The following PLCE1 variants were observed in gnomAD, a reference collection of about 807,000 sequenced individuals.
The protein encoded by PLCE1 is 1-phosphatidylinositol 4,5-bisphosphate phosphodiesterase epsilon-1.
A neutral mutation model predicts 242.8 loss-of-function variants in PLCE1; 119 were observed. The ratio of observed to expected loss-of-function variants is 0.49; its 90% CI spans 0.42 to 0.57. The LOEUF is 0.57. PLCE1 is among the 20% of genes least tolerant of loss of function. The probability of loss-of-function intolerance (pLI) is 0.00; values close to 1 mark genes in which losing one functional copy is unlikely to be tolerated. For synonymous variants in PLCE1, 945 were observed against 1,017.4 expected (o/e 0.93, Z 1.35); for missense variants, 2,441 against 2,788.8 (o/e 0.88, Z 2.81).
intron 1 of PLCE1, among the ~76,000 whole-genome samples, chr10:94,010,859 TCAGTATTTTGGTCATGACCATTTAAC>T (rs1317824808): frequency 6.6e-6 from 1 of 152,170 alleles, no homozygotes; most frequent in African/African-American, 2.4e-5. Flanking sequence ...CATATTTCTA[TCAGTATTTTGGTCATGACCATTTAAC>T]CAGTCTCTCT....
At chr10:94,089,005 C>T in intron 2 of PLCE1, 1 of 1,402,996 alleles carries the variant, frequency 7.1e-7, no homozygotes, top group South Asian at 1.4e-5. Context: ...CATTTCATTT[C>T]AGCTAATGTA....
intron 13 of PLCE1, among the ~76,000 whole-genome samples, chr10:94,261,594 G>A (rs2051298665): frequency 6.6e-6 from 1 of 152,094 alleles, no homozygotes; most frequent in Non-Finnish European, 1.5e-5. Context: ...TTCCAAAGTG[G>A]CTAAAATTAA....
chr10:94,076,138 T>C lies in PLCE1; in HGVS notation c.1206+43886T>C, dbSNP rs866222298. ...GTTTGTGTGTGTGTGCGTGCGTGTG[T>C]GTGTGTGTGTGTGTGTTACCTCCAT... On this transcript the variant is annotated intron_variant, in intron 2 of 32. Coordinates refer to ENST00000371380, the MANE Select transcript of PLCE1 (RefSeq NM_016341.4). Among the ~76,000 whole-genome samples the C allele has an allele frequency of 6.5e-3, 990 of 151,996 alleles. 13 individuals are homozygous for C. Among genetic ancestry groups the C allele is most frequent in the African/African-American group, 0.023 (947 of 41,412 alleles).
At chr10:94,183,346 G>A (rs1246323163) in intron 4 of PLCE1, among the ~76,000 whole-genome samples, 1 of 152,098 alleles carries the variant, frequency 6.6e-6, no homozygotes, top group Admixed American at 6.6e-5. Flanking sequence ...TTTGTGCATG[G>A]GGAATATGGC....
intron 4 of PLCE1, among the ~76,000 whole-genome samples, chr10:94,194,382 C>A (rs1308335077): frequency 6.6e-6 from 1 of 152,170 alleles, no homozygotes; most frequent in East Asian, 1.9e-4. Flanking sequence ...CTCTTCACTG[C>A]TGACCAAGAG....
intron 23 of PLCE1, among the ~76,000 whole-genome samples, chr10:94,294,909 CTTTTTTTTTTTTT>C (rs766555881): frequency 9.9e-6 from 1 of 101,494 alleles, no homozygotes; most frequent in Non-Finnish European, 1.9e-5. Context: ...CATGATAGAA[CTTTTTTTTTTTTT>C]TTTTTTTTTT....
Position 94,259,025 on chromosome 10 carries a change from G to A in PLCE1, c.3689G>A (p.Arg1230His), listed in dbSNP as rs2051200242. ...ELFKSFSVRS[R>H]KDLKDLFDVY... ...CATTCCTCATTCAGTGTCAGGAGCCGCAAGGACCTGAAGGATCTGTTTGAT... is the reference window on the plus strand; with the variant it reads ...CATTCCTCATTCAGTGTCAGGAGCCACAAGGACCTGAAGGATCTGTTTGAT... The change falls in exon 13 of 33, where the codon CGC (arginine) becomes CAC (histidine). Residue 1230 changes from arginine to histidine, a missense_variant. Arg to His is a conservative substitution (Grantham distance 29). Transcript: ENST00000371380. 4 of 1,613,882 alleles carry A rather than the reference G, an allele frequency of 2.5e-6. No homozygotes were observed. Among genetic ancestry groups the A allele is most frequent in the South Asian group, 2.2e-5 (2 of 91,078 alleles).
chr10:94,115,245 T>C (rs2046087188), intron 2 of PLCE1, among the ~76,000 whole-genome samples: 1 of 152,218 alleles, frequency 6.6e-6, no homozygotes, highest in Non-Finnish European at 1.5e-5. Context: ...CATGTGTCTT[T>C]ATAGCAGCAT....
At chr10:94,327,155 C>T (rs1236848931) in intron 32 of PLCE1, among the ~76,000 whole-genome samples, 2 of 152,054 alleles carry the variant, frequency 1.3e-5, no homozygotes, top group African/African-American at 2.4e-5. Context: ...AGCGAGACTC[C>T]GTCTCAAAAC....
At chr10:94,256,338 A>AAAAGAAAGAAAGAAAGAAAG (rs1290627133) in intron 11 of PLCE1, among the ~76,000 whole-genome samples, 1 of 140,440 alleles carries the variant, frequency 7.1e-6, no homozygotes, top group African/African-American at 2.8e-5. Context: ...AAAAAAAAAA[A>AAAAGAAAGAAAGAAAGAAAG]AAAGAAAGAA....
intron 3 of PLCE1, among the ~76,000 whole-genome samples, chr10:94,160,152 T>G (rs1455283020): frequency 6.6e-6 from 1 of 152,172 alleles, no homozygotes; most frequent in East Asian, 1.9e-4. Context: ...GATGGCTGGG[T>G]CAAATGGTAT....
At chr10:94,318,676 A>G (rs2053661139) in intron 29 of PLCE1, among the ~76,000 whole-genome samples, 1 of 152,160 alleles carries the variant, frequency 6.6e-6, no homozygotes, top group South Asian at 2.1e-4. Context: ...GGCTAGAGGG[A>G]AGACAGGCTG....
intron 4 of PLCE1, among the ~76,000 whole-genome samples, chr10:94,172,046 A>G (rs572887221): frequency 1.5e-4 from 23 of 152,152 alleles, no homozygotes; most frequent in Non-Finnish European, 3.2e-4. Context: ...CAGAATATCA[A>G]TCCAAAGCCT....
At chr10:94,258,430 T>C (rs2051178451) in intron 11 of PLCE1, among the ~76,000 whole-genome samples, 1 of 152,236 alleles carries the variant, frequency 6.6e-6, no homozygotes, top group South Asian at 2.1e-4. Flanking sequence ...ACGTGCATTA[T>C]TTCCCATAGA....
Position 94,204,783 on chromosome 10 carries a change from GAAGGAAGGAAGGAAGGAAGC to G in PLCE1, c.1810-22520_1810-22501del, listed in dbSNP as rs1435756556. 1.5e-3 allele frequency among the ~76,000 whole-genome samples: 204 copies of G among 136,954 alleles called. 2 individuals carry two copies. Among genetic ancestry groups the G allele is most frequent in the Middle Eastern group, 3.8e-3 (1 of 262 alleles). The allele number at this position is 136,954 out of a possible 152,430, so 89.8% of individuals were successfully genotyped here. ...GGAAGGAAGGAAGGAAGGAAGGAAG[GAAGGAAGGAAGGAAGGAAGC>G]AAAATAATGTGTGCTGTAGAAAATG... On this transcript the variant is annotated intron_variant, in intron 4 of 32. Coordinates refer to ENST00000371380, the MANE Select transcript of PLCE1 (RefSeq NM_016341.4).
chr10:94,216,190 G>T (rs1355902568), intron 4 of PLCE1, among the ~76,000 whole-genome samples: 2 of 152,322 alleles, frequency 1.3e-5, no homozygotes, highest in Admixed American at 6.5e-5. Context: ...AAAGCATTTG[G>T]TGTCACTGTT....
chr10:94,163,334 G>A (rs148430006), intron 3 of PLCE1, among the ~76,000 whole-genome samples: 2 of 152,134 alleles, frequency 1.3e-5, no homozygotes. Context: ...ATGAATCTGG[G>A]TGCTCCTGTA....
intron 22 of PLCE1, among the ~76,000 whole-genome samples, 154 bp downstream of exon 22, chr10:94,285,119 A>T (rs1251104791): frequency 6.6e-6 from 1 of 152,210 alleles, no homozygotes. Context: ...TTATTATTAT[A>T]ATTTGCCTTG....
At chr10:94,281,716 T>C (rs2052232411) in intron 20 of PLCE1, among the ~76,000 whole-genome samples, 3 of 152,156 alleles carry the variant, frequency 2.0e-5, no homozygotes, top group South Asian at 2.1e-4. Context: ...AGATCTGTAA[T>C]GTATGACCAC....
Sources: gnomAD v4.1 joint callset for allele counts (sites outside exome capture counted in the v4.1 genomes callset) on GRCh38, gnomAD v4.1.1 for gene constraint, MANE v1.5 for transcripts, NCBI Gene and HGNC (gene_info 2026-07-23, HGNC 2026-07-21) for gene names.